FOXP1: variants seen among roughly 807,000 people sequenced by gnomAD.
The protein encoded by FOXP1 is forkhead box protein P1.
In FOXP1, 15 loss-of-function variants were observed where a neutral mutation model predicts 98.2. The observed-to-expected ratio is 0.15, with a 90% CI of 0.10 to 0.24. The LOEUF (loss-of-function observed/expected upper bound fraction) is 0.24, where lower values mean the gene tolerates loss of function less well. FOXP1 is among the 10% of genes least tolerant of loss of function. The pLI is 1.00. For synonymous variants in FOXP1, 371 were observed against 314.5 expected, an observed-to-expected ratio of 1.18 and a Z score of -1.90; for missense variants, 633 against 848.5, an observed-to-expected ratio of 0.75 and a Z score of 3.15.
chr3:71,331,635 C>T (rs1482252473), intron 4 of FOXP1, among the ~76,000 whole-genome samples: 1 of 152,226 alleles, frequency 6.6e-6, no homozygotes. Context: ...CACTCTGTAT[C>T]TAGCTCAAGG....
chr3:71,094,646 T>C (rs1268041338), intron 7 of FOXP1, among the ~76,000 whole-genome samples: 1 of 152,104 alleles, frequency 6.6e-6, no homozygotes, highest in Non-Finnish European at 1.5e-5. Context: ...GGTCACAGAG[T>C]CATAGAGATA....
At chr3:71,577,838 A>G (rs953192418) in intron 2 of FOXP1, among the ~76,000 whole-genome samples, 10 of 152,158 alleles carry the variant, frequency 6.6e-5, no homozygotes, top group African/African-American at 2.4e-4. Context: ...TGGCTCAGGT[A>G]TAAAGTTCAC....
chr3:71,096,163 G>C (rs1270772617), intron 7 of FOXP1, among the ~76,000 whole-genome samples: 1 of 152,224 alleles, frequency 6.6e-6, no homozygotes, highest in Non-Finnish European at 1.5e-5. Flanking sequence ...GTTCATTTCT[G>C]CTACCCTAGA....
intron 3 of FOXP1, among the ~76,000 whole-genome samples, chr3:71,436,152 A>G (rs55779916): frequency 0.56 from 85,393 of 151,714 alleles, 27,959 homozygotes; most frequent in Non-Finnish European, 0.75. Context: ...ATATTTCCCA[A>G]ACTGTTCCTG....
rs984772497 is a variant in FOXP1, at chr3:71,255,598, G to C, written c.-12+44222C>G. Among the ~76,000 whole-genome samples the C allele has an allele frequency of 1.5e-4, 23 of 152,046 alleles. 1 individual carries two copies. The highest frequency in any genetic ancestry group is 2.9e-5 in the Non-Finnish European group (2 of 68,026). On this transcript the variant is annotated intron_variant, in intron 5 of 20. Transcript: ENST00000649528. ...AACACTAAATTATTGGAATTCAGTG[G>C]GGAGATGCTTCCAGGGTAAAGGTTC... is the stretch of plus-strand genomic sequence containing the variant.
chr3:71,201,096 CTCA>C (rs1259128068), intron 5 of FOXP1, among the ~76,000 whole-genome samples: 1 of 152,114 alleles, frequency 6.6e-6, no homozygotes, highest in Non-Finnish European at 1.5e-5. Context: ...TTTTTTCATT[CTCA>C]TGTCTTCAGA....
Position 70,957,377 on chromosome 3 carries a change from T to A in FOXP1, c.*1870A>T, listed in dbSNP as rs2032080119. The A allele has an allele frequency of 4.4e-6, 1 of 229,404 alleles. No homozygotes were observed. Among genetic ancestry groups the A allele is most frequent in the Admixed American group, 5.7e-5 (1 of 17,652 alleles). The allele number at this position is 229,404 out of a possible 1,614,324, so 14.2% of individuals were successfully genotyped here. ...TTTACGATGAAGGAGCAGTTCTCTT[T>A]CTCAGGTTGCAATAGCCTATCGCTT... is the stretch of plus-strand genomic sequence containing the variant. On this transcript the variant is annotated 3_prime_UTR_variant, in exon 21 of 21. Transcript: ENST00000649528.
In FOXP1 at chr3:71,517,551, C is replaced by G. The variant is rs79331605; in HGVS notation, c.-297-23996G>C. ...AACACAGCAACTTGACCAATCAACT[C>G]GAGATTTTTCATCCAATCCTTCCCA... On this transcript the variant is annotated intron_variant, in intron 2 of 20. Coordinates refer to ENST00000649528, the MANE Select transcript of FOXP1 (RefSeq NM_001349338.3). 3.9e-3 allele frequency among the ~76,000 whole-genome samples: 592 copies of G among 152,298 alleles called. 37 individuals carry two copies. In the East Asian group the frequency reaches 0.1, roughly 26 times the overall value.
chr3:71,308,121 C>T (rs1009214404), intron 4 of FOXP1, among the ~76,000 whole-genome samples: 4 of 149,616 alleles, frequency 2.7e-5, no homozygotes, highest in South Asian at 2.1e-4. Context: ...AAGCGCCACT[C>T]GCTGTAAGCT....
intron 3 of FOXP1, among the ~76,000 whole-genome samples, chr3:71,453,101 T>C (rs554301238): frequency 6.6e-6 from 1 of 152,278 alleles, no homozygotes; most frequent in African/African-American, 2.4e-5. Context: ...TTCAGCCCCC[T>C]GTAATACAGC....
In FOXP1 at chr3:71,493,522, G is replaced by A. The variant is rs904399968; in HGVS notation, c.-264C>T. 2.0e-5 allele frequency: 3 copies of A among 152,176 alleles called. No individual in the cohort carries two copies. The highest frequency in any genetic ancestry group is 4.8e-5 in the African/African-American group (2 of 41,438). 9.4% of individuals were successfully genotyped at this position (152,176 alleles called of 1,614,324 possible). A position where few individuals can be genotyped will look rare whatever the true frequency, so the allele number is the denominator to read the frequency against. On this transcript the variant is annotated 5_prime_UTR_variant, in exon 3 of 21. Coordinates refer to ENST00000649528, the MANE Select transcript of FOXP1 (RefSeq NM_001349338.3). ...CACCATTGCCGAAATGTTTTGTTCGGAAACTGGAATTGTCAACAAAAGCTT... is the reference window on the plus strand; with the variant it reads ...CACCATTGCCGAAATGTTTTGTTCGAAAACTGGAATTGTCAACAAAAGCTT...
At chr3:71,206,659 T>C (rs894027209) in intron 5 of FOXP1, among the ~76,000 whole-genome samples, 2 of 152,228 alleles carry the variant, frequency 1.3e-5, no homozygotes, top group African/African-American at 2.4e-5. Flanking sequence ...GGCAGTAAAG[T>C]TGTTCAGAGC....
chr3:71,175,236 G>A (rs1227551364), intron 6 of FOXP1, among the ~76,000 whole-genome samples: 1 of 152,158 alleles, frequency 6.6e-6, no homozygotes, highest in Admixed American at 6.5e-5. Context: ...AAAGTAGCTT[G>A]AGGGGCAAAT....
At chr3:71,058,073 G>C (rs2050927700) in intron 7 of FOXP1, among the ~76,000 whole-genome samples, 1 of 151,986 alleles carries the variant, frequency 6.6e-6, no homozygotes, top group African/African-American at 2.4e-5. Context: ...TGATGGGAAG[G>C]GAAAAATCTA....
intron 3 of FOXP1, among the ~76,000 whole-genome samples, chr3:71,371,819 C>T (rs2079340368): frequency 6.6e-6 from 1 of 151,948 alleles, no homozygotes; most frequent in Non-Finnish European, 1.5e-5. Flanking sequence ...TCCTGCTGAC[C>T]CCCTAACCTC....
chr3:71,349,027 A>G (rs910514511), intron 4 of FOXP1, among the ~76,000 whole-genome samples: 1 of 152,192 alleles, frequency 6.6e-6, no homozygotes, highest in Admixed American at 6.5e-5. Context: ...AACACAGTCA[A>G]GTTTCACTTC....
rs563191699 is a variant in FOXP1 at position 71,107,791 on chromosome 3, T to A, written c.282+4745A>T. Among the ~76,000 whole-genome samples the A allele has an allele frequency of 2.0e-5, 3 of 152,348 alleles. No homozygotes were observed. In the South Asian group the frequency reaches 6.2e-4, roughly 32 times the overall value. On this transcript the variant is annotated intron_variant, in intron 7 of 20. Coordinates refer to ENST00000649528, the MANE Select transcript of FOXP1 (RefSeq NM_001349338.3). ...TTTAGTGAATAACGTGGAAATGATA[T>A]GAGCTACTAAGATTATATGCGGCAT...
chr3:71,260,785 G>A (rs1035267373), intron 5 of FOXP1, among the ~76,000 whole-genome samples: 19 of 151,582 alleles, frequency 1.3e-4, no homozygotes, highest in African/African-American at 3.9e-4. Context: ...CTTGTGATCC[G>A]CCCGCCTCAC....
chr3:71,365,723 G>A (rs547362531), intron 3 of FOXP1, among the ~76,000 whole-genome samples: 119 of 152,304 alleles, frequency 7.8e-4, no homozygotes, highest in Non-Finnish European at 1.2e-3. Flanking sequence ...GGTGGCTCAC[G>A]CCTATAATCC....
Sources: allele counts gnomAD v4.1 joint callset (sites outside exome capture counted in the v4.1 genomes callset), GRCh38; gene constraint gnomAD v4.1.1; transcripts MANE v1.5; gene names NCBI Gene and HGNC (gene_info 2026-07-23, HGNC 2026-07-21).